Variants in SLC12A8 observed in about 807,000 individuals in gnomAD.
The protein encoded by SLC12A8 is solute carrier family 12 member 8.
Under a neutral mutation model 75.6 loss-of-function variants are expected in SLC12A8, and 69 were observed. That is an observed-to-expected ratio of 0.91 (90% CI 0.75 to 1.11). The LOEUF (loss-of-function observed/expected upper bound fraction) is 1.11, where lower values mean the gene tolerates loss of function less well. Among genes scored for constraint, SLC12A8 ranks in the 50% most tolerant of loss-of-function variants. The pLI is 0.00. For missense variants in SLC12A8, 877 were observed against 896.7 expected (o/e 0.98, Z 0.28); for synonymous variants, 365 against 372.8 (o/e 0.98, Z 0.24).
chr3:125,183,090 G>T (rs958465812), intron 4 of SLC12A8, among the ~76,000 whole-genome samples: 2 of 152,076 alleles, frequency 1.3e-5, no homozygotes, highest in African/African-American at 4.8e-5. Context: ...TGTCTGCCCA[G>T]GTTTAGGGAA....
intron 5 of SLC12A8, among the ~76,000 whole-genome samples, chr3:125,170,783 C>T (rs1004439605): frequency 6.6e-6 from 1 of 152,158 alleles, no homozygotes. Context: ...AGCATGGTGG[C>T]GGGCGCCTGT....
chr3:125,121,346 A>G (rs142515824), intron 6 of SLC12A8, among the ~76,000 whole-genome samples: 123 of 152,324 alleles, frequency 8.1e-4, no homozygotes, highest in African/African-American at 2.7e-3. Context: ...CATACAAACA[A>G]ATATATGAAA....
chr3:125,124,178 AAAGTAGATT>A (rs2107753364), intron 6 of SLC12A8, among the ~76,000 whole-genome samples: 1 of 152,318 alleles, frequency 6.6e-6, no homozygotes, highest in Non-Finnish European at 1.5e-5. Context: ...GAGAAGCCAG[AAAGTAGATT>A]ATATCACAGA....
At chr3:125,099,622 T>C (rs1204028162) in intron 10 of SLC12A8, among the ~76,000 whole-genome samples, 1 of 152,114 alleles carries the variant, frequency 6.6e-6, no homozygotes, top group African/African-American at 2.4e-5. Context: ...AAATAAAGAA[T>C]ACCAACAGAG....
intron 5 of SLC12A8, among the ~76,000 whole-genome samples, chr3:125,142,275 C>G (rs1476811884): frequency 6.6e-6 from 1 of 152,224 alleles, no homozygotes; most frequent in Non-Finnish European, 1.5e-5. Flanking sequence ...GACACTCACT[C>G]AGATACTGCC....
intron 3 of SLC12A8, among the ~76,000 whole-genome samples, chr3:125,189,770 C>T (rs536167221): frequency 1.3e-5 from 2 of 152,164 alleles, no homozygotes; most frequent in Non-Finnish European, 2.9e-5. Context: ...GGACTGAGAA[C>T]CCCTGCCCCA....
At position 125,091,549 on chromosome 3, in the gene SLC12A8, C is replaced by T. The variant is rs1439149081; in HGVS notation, c.1811G>A (p.Gly604Glu). Residue 604 changes from glycine to glutamate, a missense_variant, in exon 12 of 14, where the codon GGG (glycine) becomes GAG (glutamate). Transcript: ENST00000469902. The part of the protein sequence containing the change: ...NPWVSLLGAV[G>E]SLLIMFVIQW... ...TATCACAAACATGATGAGAAGGGACCCAACAGCCTGTGAAAACAGAGTAGG... is the reference window on the plus strand; with the variant it reads ...TATCACAAACATGATGAGAAGGGACTCAACAGCCTGTGAAAACAGAGTAGG... 6.2e-7 allele frequency: 1 copy of T among 1,611,134 alleles called. No homozygotes were observed. The highest frequency in any genetic ancestry group is 2.2e-5 in the East Asian group (1 of 44,874).
At position 125,135,029 on chromosome 3, in the gene SLC12A8, G is replaced by C. The variant is rs140753863; in HGVS notation, c.736+640C>G. On this transcript the variant is annotated intron_variant, in intron 6 of 13. Coordinates refer to ENST00000469902, the MANE Select transcript of SLC12A8 (RefSeq NM_024628.6). ...TTAGCTTATTGCCTTCCAGGCCAGGGACCCAAGCATGGGGCAGGAGCCCTA... is the reference window on the plus strand; with the variant it reads ...TTAGCTTATTGCCTTCCAGGCCAGGCACCCAAGCATGGGGCAGGAGCCCTA... Among the ~76,000 whole-genome samples the C allele has an allele frequency of 1.4e-3, 209 of 152,344 alleles. 1 individual carries two copies. Among genetic ancestry groups the C allele is most frequent in the African/African-American group, 4.8e-3 (199 of 41,584 alleles).
intron 5 of SLC12A8, among the ~76,000 whole-genome samples, chr3:125,156,358 C>T (rs1934051202): frequency 6.6e-6 from 1 of 152,162 alleles, no homozygotes. Flanking sequence ...CAGGGCCAGG[C>T]CATCAGTGTG....
intron 10 of SLC12A8, among the ~76,000 whole-genome samples, chr3:125,093,749 G>C (rs1236780295): frequency 6.6e-6 from 1 of 152,136 alleles, no homozygotes; most frequent in Non-Finnish European, 1.5e-5. Context: ...CCTAGGGCTT[G>C]GCATGTAGCA....
At chr3:125,172,437 C>A (rs918109385) in intron 5 of SLC12A8, among the ~76,000 whole-genome samples, 8 of 152,010 alleles carry the variant, frequency 5.3e-5, no homozygotes, top group African/African-American at 1.9e-4. Flanking sequence ...CCACATGGAC[C>A]ACTGAGGCCT....
intron 3 of SLC12A8, among the ~76,000 whole-genome samples, chr3:125,188,435 C>G (rs1055794600): frequency 1.3e-5 from 2 of 152,186 alleles, no homozygotes; most frequent in Non-Finnish European, 2.9e-5. Flanking sequence ...ATGTTTTCTT[C>G]CCCTTCATAT....
intron 5 of SLC12A8, among the ~76,000 whole-genome samples, chr3:125,159,073 C>T (rs560407796): frequency 7.9e-5 from 12 of 152,190 alleles, no homozygotes; most frequent in South Asian, 6.2e-4. Context: ...AAGAGATATA[C>T]GAATACACCT....
chr3:125,172,428 C>T (rs766958895), intron 5 of SLC12A8, among the ~76,000 whole-genome samples: 41 of 152,064 alleles, frequency 2.7e-4, no homozygotes, highest in Non-Finnish European at 5.0e-4. Context: ...AGGAAAGAAC[C>T]ACATGGACCA....
At chr3:125,209,869 G>T (rs1445020425) in intron 2 of SLC12A8, among the ~76,000 whole-genome samples, 1 of 152,182 alleles carries the variant, frequency 6.6e-6, no homozygotes, top group Non-Finnish European at 1.5e-5. Context: ...CTTCATAAAA[G>T]CATCACTTTA....
intron 8 of SLC12A8, among the ~76,000 whole-genome samples, chr3:125,111,055 C>T (rs1484533550): frequency 1.3e-5 from 2 of 152,218 alleles, no homozygotes; most frequent in Non-Finnish European, 2.9e-5. Flanking sequence ...CACTGTGAGG[C>T]CATCCCCTCT....
rs542954993 is a variant in SLC12A8 at position 125,139,424 on chromosome 3, C to T, written c.623-3642G>A. Among the ~76,000 whole-genome samples the T allele has an allele frequency of 3.3e-5, 5 of 152,342 alleles. No homozygotes were observed. In the East Asian group the frequency reaches 5.8e-4, roughly 18 times the overall value. ...CAACAAGGAGCCCCCAAAGCTGGCA[C>T]AGTGGACCCTGCCTCATTTCCTCTG... On this transcript the variant is annotated intron_variant, in intron 5 of 13. Coordinates refer to ENST00000469902, the MANE Select transcript of SLC12A8 (RefSeq NM_024628.6).
intron 8 of SLC12A8, among the ~76,000 whole-genome samples, chr3:125,116,485 A>T (rs951805133): frequency 2.0e-5 from 3 of 152,134 alleles, no homozygotes; most frequent in Non-Finnish European, 2.9e-5. Flanking sequence ...GTGGCATTCC[A>T]CAGGAGGCTC....
intron 13 of SLC12A8, among the ~76,000 whole-genome samples, chr3:125,086,128 C>T (rs910597109): frequency 2.0e-5 from 3 of 151,974 alleles, no homozygotes; most frequent in South Asian, 2.1e-4. Flanking sequence ...GTGATCTACC[C>T]GCCTCAGCCT....
Sources: gnomAD v4.1 joint callset for allele counts (sites outside exome capture counted in the v4.1 genomes callset) on GRCh38, gnomAD v4.1.1 for gene constraint, MANE v1.5 for transcripts, NCBI Gene and HGNC (gene_info 2026-07-23, HGNC 2026-07-21) for gene names.